The following ROBO1 variants were observed in gnomAD, a reference collection of about 807,000 sequenced individuals.
ROBO1 encodes the protein roundabout guidance receptor 1.
Under a neutral mutation model 195.9 loss-of-function variants are expected in ROBO1, and 149 were observed. That is an observed-to-expected ratio of 0.76 (90% CI 0.67 to 0.87). The LOEUF is 0.87. Among genes scored for constraint, ROBO1 ranks in the 40% least tolerant of loss-of-function variants. The pLI, the probability that ROBO1 is intolerant of heterozygous loss-of-function variation, is 0.00. For synonymous variants in ROBO1, 816 were observed against 733.2 expected (o/e 1.11, Z -1.82); for missense variants, 1,933 against 2,068.3 (o/e 0.93, Z 1.27).
intron 4 of ROBO1, among the ~76,000 whole-genome samples, chr3:78,855,340 CG>C (rs1399933269): frequency 8.5e-5 from 13 of 152,138 alleles, no homozygotes; most frequent in Admixed American, 8.5e-4. Context: ...GCTTGATTAA[CG>C]TAAGTCTACT....
chr3:79,589,402 T>C (rs567279027), intron 2 of ROBO1, among the ~76,000 whole-genome samples: 7 of 151,752 alleles, frequency 4.6e-5, no homozygotes, highest in Non-Finnish European at 1.0e-4. Flanking sequence ...TTAATTAACA[T>C]GTTACTACGC....
At chr3:79,055,812 C>G (rs2078796497) in intron 3 of ROBO1, among the ~76,000 whole-genome samples, 1 of 152,044 alleles carries the variant, frequency 6.6e-6, no homozygotes, top group South Asian at 2.1e-4. Context: ...TGCCATGCCT[C>G]CTGATCATAT....
chr3:79,211,060 A>G (rs1041242151), intron 2 of ROBO1, among the ~76,000 whole-genome samples: 1 of 152,178 alleles, frequency 6.6e-6, no homozygotes, highest in Non-Finnish European at 1.5e-5. Flanking sequence ...AAATTTGAGT[A>G]TCTTGGTTAA....
intron 1 of ROBO1, among the ~76,000 whole-genome samples, chr3:79,756,327 G>A (rs892486068): frequency 2.0e-5 from 3 of 152,010 alleles, no homozygotes; most frequent in Admixed American, 6.6e-5. Flanking sequence ...CAAGGCGGGC[G>A]GTTCACGAGG....
chr3:79,313,265 G>C (rs949650103), intron 2 of ROBO1, among the ~76,000 whole-genome samples: 28 of 151,946 alleles, frequency 1.8e-4, no homozygotes, highest in African/African-American at 6.8e-4. Context: ...GAACATTCTA[G>C]AGAGATTTAA....
intron 3 of ROBO1, among the ~76,000 whole-genome samples, chr3:79,108,256 A>C (rs2079820536): frequency 6.6e-6 from 1 of 151,812 alleles, no homozygotes; most frequent in Admixed American, 6.6e-5. Context: ...CAGAAGCAAC[A>C]GGGAAGTTAC....
chr3:79,551,015 C>T (rs1345990547), intron 2 of ROBO1, among the ~76,000 whole-genome samples: 1 of 152,124 alleles, frequency 6.6e-6, no homozygotes, highest in Non-Finnish European at 1.5e-5. Context: ...TCTTGCTCAG[C>T]TTTTCTATGC....
chr3:78,626,786 A>C (rs1559663166), intron 26 of ROBO1, among the ~76,000 whole-genome samples: 1 of 151,402 alleles, frequency 6.6e-6, no homozygotes, highest in Non-Finnish European at 1.5e-5. Context: ...CACACACACT[A>C]TATAATAATC....
intron 2 of ROBO1, among the ~76,000 whole-genome samples, chr3:79,188,643 G>T (rs941847377): frequency 4.6e-5 from 7 of 151,516 alleles, no homozygotes; most frequent in African/African-American, 1.7e-4. Flanking sequence ...TTGAAAATAT[G>T]AAGATGCCCT....
chr3:78,941,266 G>A (rs1157631255), intron 3 of ROBO1, among the ~76,000 whole-genome samples: 4 of 152,030 alleles, frequency 2.6e-5, no homozygotes, highest in African/African-American at 7.2e-5. Flanking sequence ...TAGAAAAGGA[G>A]GAAATAAACT....
chr3:78,757,602 G>C (rs2082971290), intron 4 of ROBO1, among the ~76,000 whole-genome samples: 1 of 152,024 alleles, frequency 6.6e-6, no homozygotes, highest in Admixed American at 6.6e-5. Flanking sequence ...AGTTTAAAAT[G>C]ATCTCATTAA....
rs560988846 is a variant in ROBO1 at position 78,658,597 on chromosome 3, C to T, written c.2442+1089G>A. On this transcript the variant is annotated intron_variant, in intron 17 of 30. Transcript: ENST00000464233. ...GCGCCCAACTGACATACTCTATATTCCTTATGATGTTCTCAAGCAATATAT... is the reference window on the plus strand; with the variant it reads ...GCGCCCAACTGACATACTCTATATTTCTTATGATGTTCTCAAGCAATATAT... 2.2e-3 allele frequency among the ~76,000 whole-genome samples: 336 copies of T among 152,306 alleles called. 2 individuals are homozygous for T. Among genetic ancestry groups the T allele is most frequent in the African/African-American group, 7.6e-3 (315 of 41,568 alleles).
At chr3:79,721,619 T>G (rs995591277) in intron 1 of ROBO1, among the ~76,000 whole-genome samples, 5 of 152,192 alleles carry the variant, frequency 3.3e-5, no homozygotes, top group Non-Finnish European at 7.3e-5. Context: ...CAAATGATAG[T>G]GTCATCATCA....
At chr3:79,033,120 T>G (rs2108308451) in intron 3 of ROBO1, among the ~76,000 whole-genome samples, 1 of 152,214 alleles carries the variant, frequency 6.6e-6, no homozygotes, top group African/African-American at 2.4e-5. Flanking sequence ...TTATTTTACA[T>G]AAACCTAAAC....
chr3:79,188,072 A>G (rs2081473111), intron 2 of ROBO1, among the ~76,000 whole-genome samples: 1 of 151,968 alleles, frequency 6.6e-6, no homozygotes, highest in African/African-American at 2.4e-5. Flanking sequence ...ATGCTCACAG[A>G]TTGCAGTAGA....
chr3:78,886,808 T>C (rs1430835437), intron 4 of ROBO1, among the ~76,000 whole-genome samples: 7 of 152,084 alleles, frequency 4.6e-5, no homozygotes, highest in African/African-American at 1.7e-4. Flanking sequence ...TTAAAACTAA[T>C]ATAACTAATA....
chr3:78,695,190 G>GCA (rs2081259470), intron 8 of ROBO1, among the ~76,000 whole-genome samples: 1 of 151,960 alleles, frequency 6.6e-6, no homozygotes, highest in African/African-American at 2.4e-5. Context: ...AATGGGTGCA[G>GCA]CACACCATCA....
At chr3:78,919,334 G>A (rs1576399896) in intron 4 of ROBO1, among the ~76,000 whole-genome samples, 1 of 152,094 alleles carries the variant, frequency 6.6e-6, no homozygotes, top group African/African-American at 2.4e-5. Flanking sequence ...GTAACTTCTT[G>A]TCTTTTTTTA....
Position 79,518,419 on chromosome 3 carries a change from C to T in ROBO1, c.88+71405G>A, listed in dbSNP as rs1411158203. On this transcript the variant is annotated intron_variant, in intron 2 of 30. Transcript: ENST00000464233. ...CTGCTCCTACCAGCCTCCCTCCCTC[C>T]GTGCTTCTTTTCTTTCCCCTTCTTT... Among the ~76,000 whole-genome samples the T allele has an allele frequency of 2.0e-5, 3 of 152,104 alleles. No homozygotes were observed. In the South Asian group the frequency reaches 6.2e-4, roughly 32 times the overall value.
Sources: gnomAD v4.1 joint callset for allele counts (sites outside exome capture counted in the v4.1 genomes callset) on GRCh38, gnomAD v4.1.1 for gene constraint, MANE v1.5 for transcripts, NCBI Gene and HGNC (gene_info 2026-07-23, HGNC 2026-07-21) for gene names.